KIF3B: variants seen among roughly 807,000 people sequenced by gnomAD.
The protein encoded by KIF3B is kinesin-like protein KIF3B.
Under a neutral mutation model 74.3 loss-of-function variants are expected in KIF3B, and 38 were observed. The ratio of observed to expected loss-of-function variants is 0.51; its 90% confidence interval spans 0.39 to 0.67. The LOEUF (loss-of-function observed/expected upper bound fraction) is 0.67, where lower values mean the gene tolerates loss of function less well. KIF3B is among the 30% of genes least tolerant of loss of function. The pLI is 0.00. For synonymous variants in KIF3B, 326 were observed against 342.5 expected (o/e 0.95, Z 0.53); for missense variants, 649 against 932.0 (o/e 0.70, Z 3.95).
At chr20:32,321,274 C>A (rs567422194) in intron 5 of KIF3B, among the ~76,000 whole-genome samples, 32 of 151,950 alleles carry the variant, frequency 2.1e-4, no homozygotes, top group African/African-American at 7.5e-4. Flanking sequence ...ACTAGAAATA[C>A]AAAAATTAGC....
chr20:32,320,414 C>T (rs1036073636), intron 5 of KIF3B, among the ~76,000 whole-genome samples: 1 of 150,924 alleles, frequency 6.6e-6, no homozygotes, highest in Admixed American at 6.6e-5. Context: ...TTTTCTGGAC[C>T]TTTCATATAA....
chr20:32,311,201 C>A lies in KIF3B; in HGVS notation c.1404+20C>A. On this transcript the variant is annotated intron_variant, in intron 2 of 8. Transcript: ENST00000375712. ...ATCAAGGTACCATACCCGTACCCTT[C>A]CTTAGGCCCTTGCCCTGTCACTGCT... 6.4e-7 allele frequency: 1 copy of A among 1,566,380 alleles called. No individual in the cohort carries two copies. Among genetic ancestry groups the A allele is most frequent in the Non-Finnish European group, 8.6e-7 (1 of 1,157,372 alleles).
intron 2 of KIF3B, among the ~76,000 whole-genome samples, chr20:32,312,685 T>G (rs1229646311): frequency 6.6e-6 from 1 of 152,176 alleles, no homozygotes; most frequent in Non-Finnish European, 1.5e-5. Flanking sequence ...TTCCAAGTAT[T>G]CCATGGTATT....
rs887490498 is a variant in KIF3B, at chr20:32,334,256, T to C, written c.*2937T>C. On this transcript the variant is annotated 3_prime_UTR_variant, in exon 9 of 9. Coordinates refer to ENST00000375712, the MANE Select transcript of KIF3B (RefSeq NM_004798.4). ...TCACATGTCTCTCAGACCCCTGGAT[T>C]CAGAACCCAAGGCCACAAATCATAG... 2.0e-5 allele frequency: 3 copies of C among 152,762 alleles called. No homozygotes were observed. Among genetic ancestry groups the C allele is most frequent in the African/African-American group, 7.2e-5 (3 of 41,448 alleles). The allele number at this position is 152,762 out of a possible 1,614,324, so 9.5% of individuals were successfully genotyped here. A position where few individuals can be genotyped will look rare whatever the true frequency, so the allele number is the denominator to read the frequency against.
chr20:32,278,921 CTTTTTTTTTT>C (rs57355936), intron 1 of KIF3B, among the ~76,000 whole-genome samples: 2 of 118,420 alleles, frequency 1.7e-5, no homozygotes, highest in Non-Finnish European at 3.4e-5. Flanking sequence ...CTTAAGAATC[CTTTTTTTTTT>C]TTTTTTTTTT....
intron 1 of KIF3B, among the ~76,000 whole-genome samples, chr20:32,287,552 C>T (rs1163117356): frequency 1.3e-5 from 2 of 152,086 alleles, no homozygotes; most frequent in Non-Finnish European, 2.9e-5. Flanking sequence ...AACTCCTGGC[C>T]TCAAGCAATG....
At chr20:32,303,796 A>C (rs1187372580) in intron 1 of KIF3B, among the ~76,000 whole-genome samples, 5 of 151,236 alleles carry the variant, frequency 3.3e-5, no homozygotes, top group Non-Finnish European at 7.4e-5. Context: ...CAGAGGTTGC[A>C]GTGAGCCAAG....
chr20:32,305,142 CTG>C (rs1231845560), intron 1 of KIF3B, among the ~76,000 whole-genome samples: 2 of 151,738 alleles, frequency 1.3e-5, no homozygotes, highest in African/African-American at 4.8e-5. Flanking sequence ...AGGGGAGACT[CTG>C]TTTAAAAAAC....
chr20:32,277,856 G>C, intron 1 of KIF3B, 91 bp downstream of exon 1: 1 of 164,078 alleles, frequency 6.1e-6, no homozygotes, highest in Non-Finnish European at 1.3e-5. Flanking sequence ...GCCTCTGCCT[G>C]GCTTTGCTGT....
In KIF3B at chr20:32,319,735, G is replaced by A. The variant is rs183462989; in HGVS notation, c.1748+2861G>A. On this transcript the variant is annotated intron_variant, in intron 5 of 8. Coordinates refer to ENST00000375712, the MANE Select transcript of KIF3B (RefSeq NM_004798.4). ...CGAATAGCTGGGAATACAGGCACCC[G>A]CCACCATGCCCGGCTGATTTTTGTA... Among the ~76,000 whole-genome samples, 32 of 150,900 alleles carry A rather than the reference G, an allele frequency of 2.1e-4. No individual in the cohort carries two copies. The East Asian group carries it at 3.1e-3, about 15-fold the overall frequency.
In KIF3B at chr20:32,331,316, G is replaced by C; in HGVS notation, c.2241G>C (p.Lys747Asn). Residue 747 changes from lysine to asparagine, a missense_variant, in exon 9 of 9, where the codon AAG (lysine) becomes AAC (asparagine). Around this residue, in one of 4 missense-constraint regions of KIF3B, gnomAD observed 186 missense variants for 198.5 expected, o/e 0.94. Coordinates refer to ENST00000375712, the MANE Select transcript of KIF3B (RefSeq NM_004798.4). ...LYPQSRGLVPK is the reference protein window; with the variant it reads ...LYPQSRGLVPN ...CACAGTCTCGGGGGCTGGTTCCAAA[G>C]TAAAGCCAGCTTCTCCTCTCCCAGG... 6.2e-7 allele frequency: 1 copy of C among 1,606,538 alleles called. No homozygotes were observed. Among genetic ancestry groups the C allele is most frequent in the Non-Finnish European group, 8.5e-7 (1 of 1,177,658 alleles).
At position 32,292,631 on chromosome 20, in the gene KIF3B, G is replaced by A. The variant is rs185790365; in HGVS notation, c.-66+14866G>A. Among the ~76,000 whole-genome samples, 19 of 147,856 alleles carry A rather than the reference G, an allele frequency of 1.3e-4. No individual in the cohort carries two copies. The East Asian group carries it at 1.4e-3, about 11-fold the overall frequency. The stretch of plus-strand genomic sequence containing the variant: ...AGAAAAGTCGGGTCCAGTGGCGCAC[G>A]CCTGTAGTCCCAGCTACTCTGGAGG... On this transcript the variant is annotated intron_variant, in intron 1 of 8. Transcript: ENST00000375712.
Position 32,310,022 on chromosome 20 carries a change from A to G in KIF3B, c.245A>G (p.Asp82Gly). The G allele has an allele frequency of 6.2e-7, 1 of 1,614,120 alleles. No individual in the cohort carries two copies. The highest frequency in any genetic ancestry group is 8.5e-7 in the Non-Finnish European group (1 of 1,180,016). ...LYDETFRPLV[D>G]SVLQGFNGTI... ...GATGAGACGTTCCGACCACTTGTTG[A>G]CTCTGTCCTGCAAGGTTTCAATGGA... The change falls in exon 2 of 9, where the codon GAC (aspartate) becomes GGC (glycine). Residue 82 changes from aspartate (D) to glycine (G), a missense_variant. Physicochemically the swap from Asp to Gly is moderately conservative, Grantham distance 94 (BLOSUM62 -1). Coordinates refer to ENST00000375712, the MANE Select transcript of KIF3B (RefSeq NM_004798.4). The surrounding 1 kb of genome is among the most constrained non-coding windows in gnomAD (Gnocchi z 6.5).
At chr20:32,305,251 A>G (rs2047764306) in intron 1 of KIF3B, among the ~76,000 whole-genome samples, 1 of 151,808 alleles carries the variant, frequency 6.6e-6, no homozygotes, top group Non-Finnish European at 1.5e-5. Flanking sequence ...AGTCCCAGCT[A>G]CTTGGGAGGC....
chr20:32,292,619 C>T (rs2047698145), intron 1 of KIF3B, among the ~76,000 whole-genome samples: 1 of 149,414 alleles, frequency 6.7e-6, no homozygotes, highest in Admixed American at 6.7e-5. Context: ...AAAGTCGGGT[C>T]CAGTGGCGCA....
intron 1 of KIF3B, among the ~76,000 whole-genome samples, chr20:32,303,857 C>CAAAAA: frequency 1.7e-5 from 2 of 120,360 alleles, no homozygotes; most frequent in Middle Eastern, 4.7e-3. Context: ...CTCAGTCTCA[C>CAAAAA]AAAAAAAAAA....
chr20:32,296,600 G>T (rs1321012223), intron 1 of KIF3B, among the ~76,000 whole-genome samples: 2 of 144,810 alleles, frequency 1.4e-5, no homozygotes, highest in Admixed American at 6.9e-5. Context: ...TCGGTCTGAA[G>T]AAAAAAAAAA....
At chr20:32,329,350 CTTT>C (rs35042287) in intron 7 of KIF3B, among the ~76,000 whole-genome samples, 8 of 140,612 alleles carry the variant, frequency 5.7e-5, no homozygotes, top group Admixed American at 7.2e-5. Flanking sequence ...CCTTTTTTTT[CTTT>C]TTTTTTTTTT....
At chr20:32,325,655 CTTTTTTTTTTTTTTT>C (rs1164604181) in intron 5 of KIF3B, among the ~76,000 whole-genome samples, 2 of 51,104 alleles carry the variant, frequency 3.9e-5, no homozygotes, top group African/African-American at 1.3e-4. Flanking sequence ...CTCTCTCTCT[CTTTTTTTTTTTTTTT>C]TTTTTTTTTT....
Sources: allele counts gnomAD v4.1 joint callset (sites outside exome capture counted in the v4.1 genomes callset), GRCh38; gene constraint gnomAD v4.1.1; regional missense constraint gnomAD v4.1.1; non-coding constraint Gnocchi (gnomAD v3.1); transcripts MANE v1.5; gene names NCBI Gene and HGNC (gene_info 2026-07-23, HGNC 2026-07-21).